The following SSUH2 variants were observed in gnomAD, a reference collection of about 807,000 sequenced individuals.
SSUH2 encodes ssu-2 homolog.
A neutral mutation model predicts 55.3 loss-of-function variants in SSUH2; 47 were observed. The ratio of observed to expected loss-of-function variants is 0.85; its 90% CI spans 0.67 to 1.08. SSUH2 has a LOEUF of 1.08. SSUH2 is among the 50% of genes least tolerant of loss of function. SSUH2 has a pLI of 0.00. For synonymous variants in SSUH2, 212 were observed against 191.5 expected (o/e 1.11, Z -0.89); for missense variants, 535 against 490.7 (o/e 1.09, Z -0.85).
intron 1 of SSUH2, among the ~76,000 whole-genome samples, chr3:8,681,557 G>A (rs151038303): frequency 1.4e-5 from 2 of 146,740 alleles, no homozygotes; most frequent in African/African-American, 2.5e-5. Context: ...CATGGGGGGC[G>A]GGAGGCACCC....
chr3:8,658,907 C>T (rs751040503), intron 7 of SSUH2: 4 of 152,152 alleles, frequency 2.6e-5, no homozygotes, highest in Non-Finnish European at 5.9e-5. Flanking sequence ...TTAACAATAA[C>T]ATCAACAAAG....
At chr3:8,659,832 G>C (rs1254909672) in intron 6 of SSUH2, 1 of 455,446 alleles carries the variant, frequency 2.2e-6, no homozygotes, top group South Asian at 1.6e-5. Flanking sequence ...GATAGAGAAG[G>C]AGGCAATTAG....
rs113306871 is a variant in SSUH2 at position 8,639,385 on chromosome 3, A to C, written c.29-3528T>G. Among the ~76,000 whole-genome samples, 102 of 152,336 alleles carry C rather than the reference A, an allele frequency of 6.7e-4. 1 individual carries two copies. The highest frequency in any genetic ancestry group is 2.4e-3 in the African/African-American group (98 of 41,572). ...TTCAGAGAAGAATGAAATGAGACTC[A>C]AAGATGTGGTTTGGGGCAACTTTGC... On this transcript the variant is annotated intron_variant, in intron 1 of 11. Coordinates refer to ENST00000544814, the MANE Select transcript of SSUH2 (RefSeq NM_001256748.3).
At chr3:8,621,922 C>T (rs1026415780) in intron 11 of SSUH2, among the ~76,000 whole-genome samples, 9 of 151,468 alleles carry the variant, frequency 5.9e-5, no homozygotes, top group African/African-American at 2.2e-4. Context: ...GCAATACCAG[C>T]CCCCCCACAA....
chr3:8,632,104 A>G lies in SSUH2; in HGVS notation c.345T>C (p.Arg115=), dbSNP rs1698911152. Residue 115 remains arginine, a synonymous_variant, in exon 5 of 12, where the codon CGT becomes CGC. Transcript: ENST00000544814. ...TCCTGGATTCACTAAAGGTCTCCAG[A>G]CGGTACTAAAAGGAAAAAAACAGCA... ...ELKRQTLCRY[R]LETFSESRIS... The G allele has an allele frequency of 6.2e-7, 1 of 1,613,920 alleles. No homozygotes were observed.
chr3:8,630,299 C>T lies in SSUH2; in HGVS notation c.525+506G>A, dbSNP rs902295641. Among the ~76,000 whole-genome samples, 3 of 152,288 alleles carry T rather than the reference C, an allele frequency of 2.0e-5. 1 individual carries two copies. The highest frequency in any genetic ancestry group is 7.2e-5 in the African/African-American group (3 of 41,562). The stretch of plus-strand genomic sequence containing the variant: ...AGCAGGCAGTAACCGGAAAAGAACA[C>T]AATATGAGCTATCTCAGTCGTGTTT... On this transcript the variant is annotated intron_variant, in intron 6 of 11. Coordinates refer to ENST00000544814, the MANE Select transcript of SSUH2 (RefSeq NM_001256748.3).
rs112174578 is a variant in SSUH2, at chr3:8,620,775, G to A, written c.982-761C>T. On this transcript the variant is annotated intron_variant, in intron 11 of 11. Transcript: ENST00000544814. Reference sequence around the variant, plus strand: ...GGATAAAGTCGGTTTAAACATGTGTGTATTAAAACAACCACAGAGGTATTA... The same window carrying A: ...GGATAAAGTCGGTTTAAACATGTGTATATTAAAACAACCACAGAGGTATTA... Among the ~76,000 whole-genome samples the A allele has an allele frequency of 9.6e-3, 1,461 of 152,318 alleles. 12 individuals are homozygous for A. Among genetic ancestry groups the A allele is most frequent in the Middle Eastern group, 0.034 (10 of 294 alleles).
intron 7 of SSUH2, among the ~76,000 whole-genome samples, chr3:8,657,874 G>T (rs1703087706): frequency 6.6e-6 from 1 of 152,352 alleles, no homozygotes; most frequent in South Asian, 2.1e-4. Flanking sequence ...ATATCTGCTG[G>T]TATCAGCAGG....
intron 5 of SSUH2, among the ~76,000 whole-genome samples, chr3:8,670,145 C>G (rs1240629413): frequency 6.6e-6 from 1 of 152,078 alleles, no homozygotes; most frequent in Non-Finnish European, 1.5e-5. Flanking sequence ...CCTCCCTTGG[C>G]AGCTCGTTTA....
intron 10 of SSUH2, among the ~76,000 whole-genome samples, chr3:8,624,960 AG>A (rs1465583664): frequency 6.6e-6 from 1 of 152,094 alleles, no homozygotes; most frequent in Non-Finnish European, 1.5e-5. Flanking sequence ...TCTGTGCCCA[AG>A]GTCACTTCCA....
intron 1 of SSUH2, among the ~76,000 whole-genome samples, chr3:8,680,177 C>T (rs1277444238): frequency 6.6e-6 from 1 of 152,202 alleles, no homozygotes; most frequent in East Asian, 1.9e-4. Context: ...AACAACTAGA[C>T]AGGGTTTCTA....
chr3:8,676,603 G>A (rs539503748), intron 3 of SSUH2, among the ~76,000 whole-genome samples: 1 of 151,128 alleles, frequency 6.6e-6, no homozygotes, highest in South Asian at 2.1e-4. Flanking sequence ...ATCACAGCGT[G>A]GGTGTACACA....
At chr3:8,625,724 C>A in intron 9 of SSUH2, 77 bp from the exon 10 acceptor site, 1 of 1,042,750 alleles carries the variant, frequency 9.6e-7, no homozygotes, top group Non-Finnish European at 1.5e-6. Flanking sequence ...TCAGACAGAC[C>A]TGGGGTTGAG....
At chr3:8,635,998 A>C (rs1699865128) in intron 1 of SSUH2, 141 bp from the exon 2 acceptor site, 1 of 654,868 alleles carries the variant, frequency 1.5e-6, no homozygotes, top group South Asian at 2.1e-5. Flanking sequence ...TCCTTAGGAC[A>C]CAGAATACAT....
rs1456395317 is a variant in SSUH2 at position 8,679,417 on chromosome 3, C to G, written c.-901+288G>C. Among the ~76,000 whole-genome samples, 21 of 140,058 alleles carry G rather than the reference C, an allele frequency of 1.5e-4. 1 individual carries two copies. Among genetic ancestry groups the G allele is most frequent in the Admixed American group, 4.2e-4 (6 of 14,358 alleles). The allele number at this position is 140,058 out of a possible 152,430, so 91.9% of individuals were successfully genotyped here. On this transcript the variant is annotated intron_variant, in intron 2 of 18. Coordinates refer to the SSUH2 transcript ENST00000317371. ...GGACTGAGAGCCAGCCCCTCTTCCC[C>G]CCCTGGCTCTTAGGACCCCCATCAC...
At chr3:8,676,519 TCA>T (rs1243843991) in intron 3 of SSUH2, among the ~76,000 whole-genome samples, 1 of 150,890 alleles carries the variant, frequency 6.6e-6, no homozygotes, top group East Asian at 2.1e-4. Context: ...AAGGACCATC[TCA>T]CACGGGGGTG....
chr3:8,674,219 G>A (rs1294895723), intron 3 of SSUH2, among the ~76,000 whole-genome samples: 1 of 152,258 alleles, frequency 6.6e-6, no homozygotes, highest in Admixed American at 6.5e-5. Context: ...AGAAGCAAGG[G>A]AAGGGGGGCC....
chr3:8,670,230 G>A (rs989822001), intron 5 of SSUH2, among the ~76,000 whole-genome samples: 5 of 152,094 alleles, frequency 3.3e-5, no homozygotes, highest in South Asian at 2.1e-4. Context: ...GTCATGTGGC[G>A]GAGAGGGGTG....
chr3:8,629,808 G>A (rs1575099060), intron 6 of SSUH2, 82 bp from the exon 7 acceptor site: 1 of 1,355,970 alleles, frequency 7.4e-7, no homozygotes, highest in East Asian at 2.3e-5. Flanking sequence ...CTAAACCGAA[G>A]GTGGAGTGGA....
Sources: gnomAD v4.1 joint callset for allele counts (sites outside exome capture counted in the v4.1 genomes callset) on GRCh38, gnomAD v4.1.1 for gene constraint, MANE v1.5 for transcripts, NCBI Gene and HGNC (gene_info 2026-07-23, HGNC 2026-07-21) for gene names.